The following ADCY3 variants were observed in gnomAD, a reference collection of about 807,000 sequenced individuals.
ADCY3 encodes the protein adenylate cyclase 3.
ADCY3 carries 70 observed loss-of-function variants against 119.4 expected under a neutral mutation model. That is an observed-to-expected ratio of 0.59 (90% CI 0.48 to 0.72). The LOEUF is 0.72. ADCY3 is among the 30% of genes least tolerant of loss of function. The pLI, the probability that ADCY3 is intolerant of heterozygous loss-of-function variation, is 0.00. For synonymous variants in ADCY3, 672 were observed against 621.4 expected (o/e 1.08, Z -1.21); for missense variants, 1,238 against 1,541.6 (o/e 0.80, Z 3.30).
chr2:24,889,262 C>T, intron 2 of ADCY3, among the ~76,000 whole-genome samples: 1 of 152,166 alleles, frequency 6.6e-6, no homozygotes, highest in East Asian at 1.9e-4. Context: ...GTATTTGAAG[C>T]AAGTTCTAGT....
chr2:24,842,721 C>A lies in ADCY3; in HGVS notation c.826-337G>T. ...TGGGCTGCTGCACCGTGAGCCCTCC[C>A]GGCAGGAGCCCTGCGGGGTCACCTC... On this transcript the variant is annotated intron_variant, in intron 3 of 21. Transcript: ENST00000679454. This position sits in a 1 kb window ranked among gnomAD's most constrained non-coding sequence, Gnocchi z 4.9. 3.3e-6 allele frequency: 1 copy of A among 301,950 alleles called. No individual in the cohort carries two copies. Among genetic ancestry groups the A allele is most frequent in the South Asian group, 3.8e-5 (1 of 26,032 alleles). 18.7% of individuals were successfully genotyped at this position (301,950 alleles called of 1,614,324 possible).
intron 3 of ADCY3, among the ~76,000 whole-genome samples, chr2:24,853,012 GT>G (rs1202006024): frequency 5.8e-4 from 4 of 6,848 alleles, no homozygotes; most frequent in Non-Finnish European, 1.2e-3. Context: ...GAGGGTGTGT[GT>G]GTGTGTGTGT....
At chr2:24,880,128 T>C (rs1338502580) in intron 2 of ADCY3, among the ~76,000 whole-genome samples, 1 of 152,236 alleles carries the variant, frequency 6.6e-6, no homozygotes, top group African/African-American at 2.4e-5. Flanking sequence ...CTCCAGAAGC[T>C]TTCTGCTTAT....
chr2:24,886,917 G>A (rs770932425), intron 2 of ADCY3, among the ~76,000 whole-genome samples: 2 of 152,160 alleles, frequency 1.3e-5, no homozygotes, highest in African/African-American at 2.4e-5. Context: ...TGGCACAAAG[G>A]GGTGCAAATC....
intron 2 of ADCY3, among the ~76,000 whole-genome samples, chr2:24,882,800 T>C (rs562969676): frequency 2.9e-4 from 44 of 152,356 alleles, no homozygotes; most frequent in Admixed American, 8.5e-4. Context: ...CTCATGCCTG[T>C]AATTCCAGCA....
At chr2:24,911,960 G>A (rs902303735) in intron 2 of ADCY3, among the ~76,000 whole-genome samples, 1 of 152,168 alleles carries the variant, frequency 6.6e-6, no homozygotes, top group Admixed American at 6.5e-5. Context: ...AGTCATTTCA[G>A]TTGTCACCCA....
intron 8 of ADCY3, among the ~76,000 whole-genome samples, chr2:24,837,877 C>CA (rs1241829544): frequency 6.6e-6 from 1 of 152,168 alleles, no homozygotes; most frequent in Non-Finnish European, 1.5e-5. Flanking sequence ...TGCACGATTG[C>CA]AAGCTTGTTC....
At position 24,918,170 on chromosome 2, in the gene ADCY3, G is replaced by C; in HGVS notation, c.675+143C>G. ...TAATGGCACAGGGGTGAAAAGGCAG[G>C]GACTAGGGAGAGAGGTGAGAGCCCC... On this transcript the variant is annotated intron_variant, in intron 2 of 21. Coordinates refer to ENST00000679454, the MANE Select transcript of ADCY3 (RefSeq NM_004036.5). This position sits in a 1 kb window ranked among gnomAD's most constrained non-coding sequence, Gnocchi z 5.4. The C allele has an allele frequency of 1.1e-6, 1 of 897,908 alleles. No homozygotes were observed. The highest frequency in any genetic ancestry group is 1.7e-6 in the Non-Finnish European group (1 of 591,450). The allele number at this position is 897,908 out of a possible 1,614,324, so 55.6% of individuals were successfully genotyped here.
intron 2 of ADCY3, among the ~76,000 whole-genome samples, chr2:24,888,637 C>G (rs60870830): frequency 0.09 from 13,747 of 152,298 alleles, 1,981 homozygotes; most frequent in African/African-American, 0.31. Context: ...CCTCTGCAAC[C>G]TTCTCACATG....
chr2:24,842,247 G>C lies in ADCY3; in HGVS notation c.956+7C>G. 1 of 1,613,944 alleles carries C rather than the reference G, an allele frequency of 6.2e-7. No homozygotes were observed. Among genetic ancestry groups the C allele is most frequent in the South Asian group, 1.1e-5 (1 of 91,076 alleles). The stretch of plus-strand genomic sequence containing the variant: ...GCCATCAGAGCCCGCGCCCCGGGCC[G>C]GCGTACCTGACGTTCTCGTGACGGT... On this transcript the variant is annotated splice_region_variant and intron_variant, in intron 4 of 21. Transcript: ENST00000679454. The surrounding 1 kb of genome is among the most constrained non-coding windows in gnomAD (Gnocchi z 4.9).
At chr2:24,874,916 G>C (rs1301482294) in intron 2 of ADCY3, among the ~76,000 whole-genome samples, 6 of 152,250 alleles carry the variant, frequency 3.9e-5, no homozygotes, top group Non-Finnish European at 7.3e-5. Context: ...CCAGGCATGA[G>C]CCAAGCCTGA....
chr2:24,836,675 G>A (rs1314523936), intron 9 of ADCY3, among the ~76,000 whole-genome samples: 1 of 152,116 alleles, frequency 6.6e-6, no homozygotes, highest in African/African-American at 2.4e-5. Context: ...GAGCTACAAA[G>A]GCCTCCGAGC....
At chr2:24,903,089 G>A (rs1446965980) in intron 2 of ADCY3, among the ~76,000 whole-genome samples, 1 of 150,810 alleles carries the variant, frequency 6.6e-6, no homozygotes, top group African/African-American at 2.5e-5. Context: ...GAAGATTGCA[G>A]TGAGCCAAGA....
At chr2:24,909,657 C>T (rs1040924286) in intron 2 of ADCY3, among the ~76,000 whole-genome samples, 1 of 152,168 alleles carries the variant, frequency 6.6e-6, no homozygotes, top group East Asian at 1.9e-4. Flanking sequence ...GTTAAAAACA[C>T]TGGGCTCTGG....
In ADCY3 at chr2:24,821,628, C is replaced by T. The variant is rs750980912; in HGVS notation, c.3016G>A (p.Glu1006Lys). 17 of 1,614,044 alleles carry T rather than the reference C, an allele frequency of 1.1e-5. No individual in the cohort carries two copies. The highest frequency in any genetic ancestry group is 2.2e-5 in the East Asian group (1 of 44,890). Reference protein sequence around the residue: ...FASSNKEDKSERERWQHLADL... With the variant: ...FASSNKEDKSKRERWQHLADL... ...GCCAGGTGCTGCCAGCGCTCTCTCT[C>T]GGACTTGTCTTCCTGTGCCAGGGGA... The change falls in exon 20 of 22, where the codon GAG becomes AAG. Residue 1006 changes from glutamate (E) to lysine (K), a missense_variant. Physicochemically the swap from Glu to Lys is moderately conservative, Grantham distance 56. Around this residue, in one of 7 missense-constraint regions of ADCY3, gnomAD observed 63 missense variants for 62.8 expected, o/e 1.00. Coordinates refer to ENST00000679454, the MANE Select transcript of ADCY3 (RefSeq NM_004036.5).
chr2:24,841,197 C>T lies in ADCY3; in HGVS notation c.1196+62G>A. ...TGGCCAGCGCGGAAGACCTGCTTCT[C>T]CCTGGGTCCAGGGCCGGGGCCCTTG... On this transcript the variant is annotated intron_variant, in intron 6 of 21. Coordinates refer to ENST00000679454, the MANE Select transcript of ADCY3 (RefSeq NM_004036.5). This position sits in a 1 kb window ranked among gnomAD's most constrained non-coding sequence, Gnocchi z 5.8. The T allele has an allele frequency of 1.3e-6, 2 of 1,491,100 alleles. No homozygotes were observed. Among genetic ancestry groups the T allele is most frequent in the South Asian group, 2.5e-5 (2 of 79,324 alleles). 92.4% of individuals were successfully genotyped at this position (1,491,100 alleles called of 1,614,324 possible).
At chr2:24,857,350 G>A (rs768640378) in intron 3 of ADCY3, among the ~76,000 whole-genome samples, 4 of 152,374 alleles carry the variant, frequency 2.6e-5, no homozygotes, top group East Asian at 1.9e-4. Flanking sequence ...ACTCCTTAGA[G>A]GTTTGAAGAG....
chr2:24,847,191 G>A (rs1384772169), intron 3 of ADCY3, among the ~76,000 whole-genome samples: 1 of 152,154 alleles, frequency 6.6e-6, no homozygotes, highest in Non-Finnish European at 1.5e-5. Context: ...TCTCGTGATA[G>A]CAAATAAGTC....
At chr2:24,826,400 C>A in intron 15 of ADCY3, 1 of 378,154 alleles carries the variant, frequency 2.6e-6, no homozygotes, top group Non-Finnish European at 4.8e-6. Flanking sequence ...AGAAACACTG[C>A]ATTGCCTGAC....
Sources: allele counts gnomAD v4.1 joint callset (sites outside exome capture counted in the v4.1 genomes callset), GRCh38; gene constraint gnomAD v4.1.1; regional missense constraint gnomAD v4.1.1; non-coding constraint Gnocchi (gnomAD v3.1); transcripts MANE v1.5; gene names NCBI Gene and HGNC (gene_info 2026-07-23, HGNC 2026-07-21).